Variants in DCLK2 observed in about 807,000 individuals in gnomAD.
DCLK2 encodes the protein serine/threonine-protein kinase DCLK2.
In DCLK2, 31 loss-of-function variants were observed where a neutral mutation model predicts 78.4. The ratio of observed to expected loss-of-function variants is 0.40; its 90% CI spans 0.30 to 0.53. The LOEUF (loss-of-function observed/expected upper bound fraction) is 0.53, where lower values mean the gene tolerates loss of function less well. Ranked by LOEUF, DCLK2 falls within the 20% of genes least tolerant of loss-of-function variation. The pLI, the probability that DCLK2 is intolerant of heterozygous loss-of-function variation, is 0.61. For synonymous variants in DCLK2, 407 were observed against 374.9 expected, an observed-to-expected ratio of 1.09 and a Z score of -0.99; for missense variants, 872 against 973.7, an observed-to-expected ratio of 0.90 and a Z score of 1.39.
chr4:150,253,893 T>A, intron 15 of DCLK2: 1 of 985,458 alleles, frequency 1.0e-6, no homozygotes, highest in Non-Finnish European at 1.2e-6. Context: ...TGAAGGCTTT[T>A]GTTCTTTCTC....
chr4:150,188,904 C>CA (rs59096633), intron 2 of DCLK2, among the ~76,000 whole-genome samples: 5,870 of 93,912 alleles, frequency 0.063, 250 homozygotes, highest in East Asian at 0.2. Flanking sequence ...GACTCTGTCT[C>CA]AAAAAAAAAA....
chr4:150,172,607 CAAAAAAAAAA>C (rs34267089), intron 2 of DCLK2, among the ~76,000 whole-genome samples: 3 of 70,152 alleles, frequency 4.3e-5, no homozygotes, highest in Non-Finnish European at 8.2e-5. Context: ...GACTCCGTCT[CAAAAAAAAAA>C]AAAAAAAAAA....
At chr4:150,144,185 G>C (rs1734299189) in intron 2 of DCLK2, among the ~76,000 whole-genome samples, 1 of 152,000 alleles carries the variant, frequency 6.6e-6, no homozygotes, top group Non-Finnish European at 1.5e-5. Flanking sequence ...GTTTTTCCTA[G>C]GTTTTATTTA....
rs1285196540 is a variant in DCLK2, at chr4:150,083,178, T to G, written c.421+3730T>G. Among the ~76,000 whole-genome samples the G allele has an allele frequency of 2.0e-5, 3 of 152,210 alleles. No homozygotes were observed. The East Asian group carries it at 5.8e-4, about 29-fold the overall frequency. On this transcript the variant is annotated intron_variant, in intron 1 of 15. Coordinates refer to ENST00000296550, the MANE Select transcript of DCLK2 (RefSeq NM_001040260.4). ...CCATCTTCCAGAAAATCGATGAGGC[T>G]GCACATGTCCAGATAACAATCACAG... is the stretch of plus-strand genomic sequence containing the variant.
intron 2 of DCLK2, among the ~76,000 whole-genome samples, chr4:150,107,027 AT>A (rs1378140741): frequency 2.0e-5 from 3 of 152,160 alleles, no homozygotes; most frequent in Non-Finnish European, 2.9e-5. Flanking sequence ...GTCTGAAGTC[AT>A]TTTTTGATTG....
chr4:150,233,771 A>C (rs750974484), intron 10 of DCLK2, among the ~76,000 whole-genome samples: 6 of 152,116 alleles, frequency 3.9e-5, no homozygotes, highest in Non-Finnish European at 7.3e-5. Context: ...AATAACTCTT[A>C]TCCATCCAAC....
At position 150,240,366 on chromosome 4, in the gene DCLK2, G is replaced by C. The variant is rs748627141; in HGVS notation, c.1701-33G>C. On this transcript the variant is annotated intron_variant, in intron 11 of 15. Coordinates refer to ENST00000296550, the MANE Select transcript of DCLK2 (RefSeq NM_001040260.4). ...CATGGAAGGGTCTTGGGAGCCATCA[G>C]TTCTCTCCCCCTCACCCACTTTGTT... The C allele has an allele frequency of 2.5e-6, 4 of 1,608,440 alleles. No individual in the cohort carries two copies. The South Asian group carries it at 4.4e-5, about 18-fold the overall frequency.
At chr4:150,186,301 T>G (rs1373584582) in intron 2 of DCLK2, among the ~76,000 whole-genome samples, 1 of 152,174 alleles carries the variant, frequency 6.6e-6, no homozygotes, top group Non-Finnish European at 1.5e-5. Flanking sequence ...AAATAAATGG[T>G]AAAAGGAACA....
chr4:150,201,194 C>A lies in DCLK2; in HGVS notation c.962-2601C>A, dbSNP rs191558292. On this transcript the variant is annotated intron_variant, in intron 4 of 15. Transcript: ENST00000296550. ...AGTATTCAAAGAAAACAAAAAAGCC[C>A]CCAAGTTTCTTTCTTTCCTTAGAGT... Among the ~76,000 whole-genome samples the A allele has an allele frequency of 6.6e-5, 10 of 152,256 alleles. No individual in the cohort carries two copies. In the East Asian group the frequency reaches 1.9e-3, roughly 29 times the overall value.
Position 150,249,777 on chromosome 4 carries a change from G to A in DCLK2, c.2073+93G>A, listed in dbSNP as rs1311561350. On this transcript the variant is annotated intron_variant, in intron 15 of 15. Coordinates refer to ENST00000296550, the MANE Select transcript of DCLK2 (RefSeq NM_001040260.4). Reference sequence around the variant, plus strand: ...GGGAGCTGCCCTCACATGGAAGTTGGTGCCTTCCGTAGTCCTATTTCATAT... The same window carrying A: ...GGGAGCTGCCCTCACATGGAAGTTGATGCCTTCCGTAGTCCTATTTCATAT... 6.1e-5 allele frequency: 60 copies of A among 987,318 alleles called. No homozygotes were observed. The East Asian group carries it at 1.3e-3, about 22-fold the overall frequency. The allele number at this position is 987,318 out of a possible 1,614,324, so 61.2% of individuals were successfully genotyped here.
At chr4:150,085,115 C>A (rs1729549490) in intron 1 of DCLK2, among the ~76,000 whole-genome samples, 1 of 152,074 alleles carries the variant, frequency 6.6e-6, no homozygotes, top group Admixed American at 6.5e-5. Context: ...TGCATTGTAC[C>A]AATGTAAGAG....
At position 150,078,955 on chromosome 4, in the gene DCLK2, C is replaced by G. The variant is rs1560750138; in HGVS notation, c.-73C>G. 1 of 1,429,556 alleles carries G rather than the reference C, an allele frequency of 7.0e-7. No homozygotes were observed. Among genetic ancestry groups the G allele is most frequent in the Admixed American group, 2.9e-5 (1 of 34,468 alleles). The allele number at this position is 1,429,556 out of a possible 1,614,324, so 88.6% of individuals were successfully genotyped here. A position where few individuals can be genotyped will look rare whatever the true frequency, so the allele number is the denominator to read the frequency against. ...CGCGTTAAGGGCCCTCGCAGTCAGACGTCCCTGCACCGGCGCTCGCACCCT... is the reference window on the plus strand; with the variant it reads ...CGCGTTAAGGGCCCTCGCAGTCAGAGGTCCCTGCACCGGCGCTCGCACCCT... On this transcript the variant is annotated 5_prime_UTR_variant, in exon 1 of 16. Transcript: ENST00000296550.
In DCLK2 at chr4:150,253,238, G is replaced by A. The variant is rs545875940; in HGVS notation, c.2074-2782G>A. Reference sequence around the variant, plus strand: ...CTCATAGGTCCTCATAACTGAGACTGTGGGGCCAACCTGGTTTTCTGCAGA... The same window carrying A: ...CTCATAGGTCCTCATAACTGAGACTATGGGGCCAACCTGGTTTTCTGCAGA... On this transcript the variant is annotated intron_variant, in intron 15 of 15. Transcript: ENST00000296550. 192 of 526,624 alleles carry A rather than the reference G, an allele frequency of 3.6e-4. 3 individuals are homozygous for A. Among genetic ancestry groups the A allele is most frequent in the South Asian group, 1.9e-3 (133 of 70,836 alleles). The allele number at this position is 526,624 out of a possible 1,614,324, so 32.6% of individuals were successfully genotyped here.
chr4:150,181,800 A>G (rs1303682152), intron 2 of DCLK2, among the ~76,000 whole-genome samples: 3 of 152,132 alleles, frequency 2.0e-5, no homozygotes, highest in African/African-American at 7.2e-5. Flanking sequence ...TATTCTAAGT[A>G]GCTTTCTTCT....
Position 150,197,989 on chromosome 4 carries a change from T to C in DCLK2, c.860-13T>C, listed in dbSNP as rs757555022. 2 of 1,602,428 alleles carry C rather than the reference T, an allele frequency of 1.2e-6. No individual in the cohort carries two copies. Among genetic ancestry groups the C allele is most frequent in the Non-Finnish European group, 1.7e-6 (2 of 1,176,210 alleles). On this transcript the variant is annotated splice_polypyrimidine_tract_variant and intron_variant, in intron 3 of 15. Transcript: ENST00000296550. ...AAACCAGATTTAGTTAATGCACTTT[T>C]GTTCTTTTCTAGAATGTCGTGTCCT...
At chr4:150,106,036 A>T (rs568941441) in intron 2 of DCLK2, among the ~76,000 whole-genome samples, 1 of 152,234 alleles carries the variant, frequency 6.6e-6, no homozygotes, top group Non-Finnish European at 1.5e-5. Flanking sequence ...ATTCATACAC[A>T]TTATGAGTTA....
In DCLK2 at chr4:150,079,119, C is replaced by G; in HGVS notation, c.92C>G (p.Ser31Cys). 6.3e-7 allele frequency: 1 copy of G among 1,580,070 alleles called. No homozygotes were observed. Among genetic ancestry groups the G allele is most frequent in the Admixed American group, 1.8e-5 (1 of 55,896 alleles). Residue 31 changes from serine to cysteine, a missense_variant, in exon 1 of 16, where the codon TCC becomes TGC. Physicochemically the swap from Ser to Cys is moderately radical, Grantham distance 112. Transcript: ENST00000296550. ...PGSRRGAPSS[S>C]GGSSSSGPKG... ...TCGCGGAGAGGGGCCCCCAGCTCCT[C>G]CGGGGGCAGCAGCAGCTCGGGCCCC...
intron 2 of DCLK2, among the ~76,000 whole-genome samples, chr4:150,178,105 C>T (rs1737217007): frequency 6.6e-6 from 1 of 152,190 alleles, no homozygotes; most frequent in Admixed American, 6.5e-5. Context: ...AAAGAGTTTT[C>T]TACCCTCATT....
At chr4:150,091,304 T>G (rs567131935) in intron 1 of DCLK2, among the ~76,000 whole-genome samples, 1 of 152,298 alleles carries the variant, frequency 6.6e-6, no homozygotes, top group East Asian at 1.9e-4. Context: ...GGAAGCAATG[T>G]TTTTCTTAAT....
Sources: gnomAD v4.1 joint callset for allele counts (sites outside exome capture counted in the v4.1 genomes callset) on GRCh38, gnomAD v4.1.1 for gene constraint, MANE v1.5 for transcripts, NCBI Gene and HGNC (gene_info 2026-07-23, HGNC 2026-07-21) for gene names.